The following C5orf34 variants were observed in gnomAD, a reference collection of about 807,000 sequenced individuals.
The protein encoded by C5orf34 is uncharacterized protein C5orf34.
A neutral mutation model predicts 78.4 loss-of-function variants in C5orf34; 73 were observed. That is an observed-to-expected ratio of 0.93 (90% CI 0.77 to 1.13). The LOEUF is 1.13. Ranked by LOEUF, C5orf34 falls within the 50% of genes most tolerant of loss-of-function variation. The pLI is 0.00. For synonymous variants in C5orf34, 251 were observed against 246.6 expected (o/e 1.02, Z -0.17); for missense variants, 730 against 732.7 (o/e 1.00, Z 0.04).
At position 43,506,244 on chromosome 5, in the gene C5orf34, G is replaced by A; in HGVS notation, c.436C>T (p.His146Tyr). ...TTCTGGCTAACTTTACACAAAAAATGTACTGTAAATTCATGCTGAGATCTG... is the reference window on the plus strand; with the variant it reads ...TTCTGGCTAACTTTACACAAAAAATATACTGTAAATTCATGCTGAGATCTG... ...LPRSQHEFTVHFLCKVSQKSD... is the reference protein window; with the variant it reads ...LPRSQHEFTVYFLCKVSQKSD... Residue 146 changes from histidine to tyrosine, a missense_variant, in exon 4 of 13, where the codon CAT (histidine) becomes TAT (tyrosine). His to Tyr is a moderately conservative substitution (Grantham distance 83). Coordinates refer to ENST00000306862, the MANE Select transcript of C5orf34 (RefSeq NM_198566.4). 6.2e-7 allele frequency: 1 copy of A among 1,614,134 alleles called. No individual in the cohort carries two copies. Among genetic ancestry groups the A allele is most frequent in the South Asian group, 1.1e-5 (1 of 91,080 alleles).
At chr5:43,497,622 C>T (rs1201663619) in intron 6 of C5orf34, among the ~76,000 whole-genome samples, 1 of 152,154 alleles carries the variant, frequency 6.6e-6, no homozygotes, top group Non-Finnish European at 1.5e-5. Flanking sequence ...TGCCTGCAGC[C>T]TGTGAAATGG....
chr5:43,498,460 C>A (rs968894287), intron 6 of C5orf34, among the ~76,000 whole-genome samples: 2 of 152,072 alleles, frequency 1.3e-5, no homozygotes, highest in African/African-American at 4.8e-5. Flanking sequence ...TAATTGACAT[C>A]TCATGGTAGG....
intron 11 of C5orf34, among the ~76,000 whole-genome samples, chr5:43,489,420 T>A (rs1474300788): frequency 6.6e-6 from 1 of 152,160 alleles, no homozygotes; most frequent in African/African-American, 2.4e-5. Flanking sequence ...TGTTCCTAGT[T>A]GCTTTCACCT....
intron 1 of C5orf34, among the ~76,000 whole-genome samples, chr5:43,513,561 G>A (rs1276411122): frequency 1.3e-5 from 2 of 152,162 alleles, no homozygotes; most frequent in African/African-American, 4.8e-5. Flanking sequence ...GCCTACAAAG[G>A]CCACACAGTC....
chr5:43,510,552 T>C (rs1288941666), intron 1 of C5orf34, among the ~76,000 whole-genome samples: 1 of 152,244 alleles, frequency 6.6e-6, no homozygotes, highest in Non-Finnish European at 1.5e-5. Flanking sequence ...CTGATTCTCC[T>C]GCCTCAGCCT....
At chr5:43,488,057 A>G in intron 11 of C5orf34, 108 bp from the exon 12 acceptor site, 1 of 736,544 alleles carries the variant, frequency 1.4e-6, no homozygotes, top group Non-Finnish European at 2.2e-6. Context: ...TTTAAACGGA[A>G]GAACGCAGAA....
intron 6 of C5orf34, among the ~76,000 whole-genome samples, chr5:43,501,896 G>T (rs1331780021): frequency 6.6e-6 from 1 of 152,146 alleles, no homozygotes; most frequent in African/African-American, 2.4e-5. Flanking sequence ...AAGACTATGG[G>T]CTGGTAATTA....
chr5:43,492,789 A>G lies in C5orf34; in HGVS notation c.1416T>C (p.His472=), dbSNP rs962564266. 5 of 1,613,342 alleles carry G rather than the reference A, an allele frequency of 3.1e-6. No homozygotes were observed. The highest frequency in any genetic ancestry group is 4.2e-6 in the Non-Finnish European group (5 of 1,179,494). Residue 472 remains histidine (H), a synonymous_variant, in exon 9 of 13, where the codon CAT becomes CAC. Transcript: ENST00000306862. ...RFLAYSDDKV[H]AIFLDGITLT... ...GAGTAATGCCATCTAAAAAGATAGC[A>G]TGTACTTTGTCATCAGAGTAGGCAA...
chr5:43,499,760 T>C (rs1467653121), intron 6 of C5orf34, among the ~76,000 whole-genome samples: 1 of 152,244 alleles, frequency 6.6e-6, no homozygotes, highest in Non-Finnish European at 1.5e-5. Flanking sequence ...ACCCGATCTT[T>C]GAGATCTTCC....
At chr5:43,495,375 C>A (rs1345249761) in intron 6 of C5orf34, 5 of 1,611,700 alleles carry the variant, frequency 3.1e-6, no homozygotes, top group East Asian at 2.2e-5. Context: ...GCGTGGCAAT[C>A]CAATATAGGG....
At chr5:43,494,652 T>A in intron 6 of C5orf34, 51 bp from the exon 7 acceptor site, 1 of 1,084,486 alleles carries the variant, frequency 9.2e-7, no homozygotes. Flanking sequence ...TTTTGGCCTT[T>A]ATTACTTAGC....
chr5:43,507,240 T>C lies in C5orf34; in HGVS notation c.286-846A>G, dbSNP rs545650798. Among the ~76,000 whole-genome samples, 118 of 152,362 alleles carry C rather than the reference T, an allele frequency of 7.7e-4. 1 individual carries two copies. The highest frequency in any genetic ancestry group is 2.7e-3 in the African/African-American group (114 of 41,584). On this transcript the variant is annotated intron_variant, in intron 3 of 12. Transcript: ENST00000306862. ...TTTCATATAAGATATAAACAGTAGA[T>C]ATTGCGTGAGAGGTTTTTACTGAAT...
At chr5:43,502,188 A>G (rs1437794715) in intron 6 of C5orf34, among the ~76,000 whole-genome samples, 184 bp downstream of exon 6, 1 of 152,232 alleles carries the variant, frequency 6.6e-6, no homozygotes, top group Non-Finnish European at 1.5e-5. Context: ...AGGTGAAAAT[A>G]CAGTAAAAAT....
At chr5:43,502,630 A>T in intron 5 of C5orf34, 135 bp from the exon 6 acceptor site, 1 of 601,100 alleles carries the variant, frequency 1.7e-6, no homozygotes, top group Non-Finnish European at 2.9e-6. Context: ...AGTGAAGCAG[A>T]TAATTTCATA....
At chr5:43,510,865 C>A (rs1301764931) in intron 1 of C5orf34, among the ~76,000 whole-genome samples, 2 of 152,268 alleles carry the variant, frequency 1.3e-5, no homozygotes, top group Non-Finnish European at 1.5e-5. Flanking sequence ...GACGCCACCC[C>A]ATCTGGGAAG....
chr5:43,496,512 G>T, intron 6 of C5orf34: 1 of 1,345,400 alleles, frequency 7.4e-7, no homozygotes, highest in Non-Finnish European at 9.9e-7. Flanking sequence ...ACCCATTGTG[G>T]GAAAAAAAAG....
intron 11 of C5orf34, among the ~76,000 whole-genome samples, chr5:43,490,086 T>C (rs1745218279): frequency 6.6e-6 from 1 of 152,138 alleles, no homozygotes; most frequent in South Asian, 2.1e-4. Flanking sequence ...CTGCCCTTAT[T>C]TCCTCCCTAA....
At chr5:43,503,626 GCTCTAACT>G (rs748027291) in intron 5 of C5orf34, 31 bp downstream of exon 5, 2 of 1,300,736 alleles carry the variant, frequency 1.5e-6, no homozygotes, top group South Asian at 2.4e-5. Flanking sequence ...TCAATAAACA[GCTCTAACT>G]CCAACATAGA....
intron 6 of C5orf34, chr5:43,496,591 T>TAA (rs1745540014): frequency 5.4e-6 from 1 of 185,604 alleles, no homozygotes; most frequent in Non-Finnish European, 8.6e-6. Flanking sequence ...AATTTTTTTT[T>TAA]TTTTTTTTTT....
Sources: allele counts gnomAD v4.1 joint callset (sites outside exome capture counted in the v4.1 genomes callset), GRCh38; gene constraint gnomAD v4.1.1; transcripts MANE v1.5; gene names NCBI Gene and HGNC (gene_info 2026-07-23, HGNC 2026-07-21).